Variants in MTMR3 observed in about 807,000 individuals in gnomAD.
MTMR3 encodes the protein myotubularin related protein 3.
Under a neutral mutation model 132.4 loss-of-function variants are expected in MTMR3, and 32 were observed. That is an observed-to-expected ratio of 0.24 (90% CI 0.18 to 0.32). The LOEUF (loss-of-function observed/expected upper bound fraction) is 0.32, where lower values mean the gene tolerates loss of function less well. Ranked by LOEUF, MTMR3 falls within the 10% of genes least tolerant of loss-of-function variation. The pLI is 1.00. For synonymous variants in MTMR3, 556 were observed against 550.3 expected (o/e 1.01, Z -0.14); for missense variants, 1,216 against 1,489.6 (o/e 0.82, Z 3.02).
chr22:29,925,750 C>T (rs1045879890), intron 1 of MTMR3, among the ~76,000 whole-genome samples: 6 of 151,834 alleles, frequency 4.0e-5, no homozygotes, highest in African/African-American at 1.5e-4. Context: ...CCCGTCTCTA[C>T]TAAAATCACA....
chr22:30,025,536 A>G, intron 19 of MTMR3, 94 bp from the exon 20 acceptor site: 3 of 1,370,134 alleles, frequency 2.2e-6, no homozygotes, highest in Non-Finnish European at 3.1e-6. Context: ...AGCACATGCA[A>G]ATTACACACG....
intron 1 of MTMR3, among the ~76,000 whole-genome samples, chr22:29,894,729 G>T (rs2145712095): frequency 6.6e-6 from 1 of 152,274 alleles, no homozygotes; most frequent in South Asian, 2.1e-4. Context: ...GCCATCTGGT[G>T]ATATTTTAGG....
intron 1 of MTMR3, among the ~76,000 whole-genome samples, chr22:29,892,487 C>A (rs2064819605): frequency 6.6e-6 from 1 of 152,132 alleles, no homozygotes; most frequent in Admixed American, 6.6e-5. Context: ...CACAATTAAC[C>A]TGTCACTAAC....
At chr22:30,009,710 AC>A (rs960397892) in intron 12 of MTMR3, 8 of 152,472 alleles carry the variant, frequency 5.2e-5, no homozygotes, top group Admixed American at 5.2e-4. Context: ...GTGAACTAAT[AC>A]CCCCTCCAAG....
At chr22:29,988,418 T>C (rs2066898690) in intron 5 of MTMR3, 62 bp from the exon 6 acceptor site, 3 of 1,251,222 alleles carry the variant, frequency 2.4e-6, no homozygotes, top group Non-Finnish European at 3.4e-6. Flanking sequence ...GTTGGACACA[T>C]TGAAGAACTC....
chr22:30,016,632 G>C lies in MTMR3; in HGVS notation c.1608G>C (p.Val536=). The change falls in exon 15 of 20, where the codon GTG becomes GTC. Residue 536 remains valine (V), a synonymous_variant. Coordinates refer to ENST00000401950, the MANE Select transcript of MTMR3 (RefSeq NM_021090.4). ...EKHTQERTCS[V]WSLLRAGNKA... is the part of the protein sequence containing the mutation. ...ATACTCAGGAACGGACATGTTCCGT[G>C]TGGTCACTTCTTCGGGCAGGCAACA... is the stretch of plus-strand genomic sequence containing the variant. 6.2e-7 allele frequency: 1 copy of C among 1,614,204 alleles called. No homozygotes were observed. The highest frequency in any genetic ancestry group is 8.5e-7 in the Non-Finnish European group (1 of 1,180,040).
intron 1 of MTMR3, among the ~76,000 whole-genome samples, chr22:29,948,986 T>C (rs771847929): frequency 8.1e-4 from 123 of 151,814 alleles, no homozygotes; most frequent in Non-Finnish European, 1.2e-3. Context: ...TAGTCCCAAC[T>C]ACTCAGGAGG....
chr22:29,891,333 G>A (rs1176420980), intron 1 of MTMR3, among the ~76,000 whole-genome samples: 2 of 150,220 alleles, frequency 1.3e-5, no homozygotes, highest in Non-Finnish European at 3.0e-5. Flanking sequence ...GTATGTGTGT[G>A]TGTGTATATA....
At chr22:29,970,591 G>A (rs1053613569) in intron 2 of MTMR3, among the ~76,000 whole-genome samples, 2 of 140,268 alleles carry the variant, frequency 1.4e-5, no homozygotes, top group Non-Finnish European at 3.0e-5. Context: ...ATCTGCCTCA[G>A]CCTTCGAAAG....
At chr22:30,008,125 C>A (rs929874768) in intron 11 of MTMR3, 93 bp downstream of exon 11, 832 of 1,489,040 alleles carry the variant, frequency 5.6e-4, no homozygotes, top group Admixed American at 3.9e-3. Flanking sequence ...AAATAAGTGG[C>A]AAGCCATATT....
In MTMR3 at chr22:30,007,884, T is replaced by C. The variant is rs766933430; in HGVS notation, c.878-17T>C. On this transcript the variant is annotated splice_polypyrimidine_tract_variant and intron_variant, in intron 10 of 19. Coordinates refer to ENST00000401950, the MANE Select transcript of MTMR3 (RefSeq NM_021090.4). ...AGACAGGCTCATTTAGTATGCCCTC[T>C]CCCTCTGTGTCCCTAGATTCTTCTC... 8 of 1,613,330 alleles carry C rather than the reference T, an allele frequency of 5.0e-6. No individual in the cohort carries two copies. The highest frequency in any genetic ancestry group is 5.9e-6 in the Non-Finnish European group (7 of 1,179,640).
At chr22:29,900,433 T>A (rs2064982819) in intron 1 of MTMR3, among the ~76,000 whole-genome samples, 1 of 152,186 alleles carries the variant, frequency 6.6e-6, no homozygotes, top group Admixed American at 6.6e-5. Flanking sequence ...TTTAGGCCAT[T>A]GAATTTAGGC....
chr22:29,957,203 A>G (rs1481384112), intron 2 of MTMR3, 115 bp downstream of exon 2: 8 of 149,856 alleles, frequency 5.3e-5, no homozygotes, highest in South Asian at 2.1e-4. Context: ...CTGTTTGTCA[A>G]TGTCCATGAT....
At chr22:30,005,987 CT>C (rs1168268753) in intron 9 of MTMR3, 1 of 152,196 alleles carries the variant, frequency 6.6e-6, no homozygotes, top group Non-Finnish European at 1.5e-5. Flanking sequence ...CTACTTCCAT[CT>C]TTATAGATTC....
At chr22:29,928,973 A>G (rs1166555457) in intron 1 of MTMR3, among the ~76,000 whole-genome samples, 1 of 152,154 alleles carries the variant, frequency 6.6e-6, no homozygotes. Flanking sequence ...ACCATTATCA[A>G]AAGTGTGTAC....
chr22:29,993,176 C>G (rs2066996691), intron 7 of MTMR3: 1 of 152,228 alleles, frequency 6.6e-6, no homozygotes, highest in Non-Finnish European at 1.5e-5. Context: ...AATCCTGTCA[C>G]CTACGAGAGA....
At chr22:29,953,530 A>G (rs1021153812) in intron 1 of MTMR3, among the ~76,000 whole-genome samples, 1 of 152,172 alleles carries the variant, frequency 6.6e-6, no homozygotes, top group Admixed American at 6.5e-5. Context: ...ATTATTTTAC[A>G]GAAAGGGACT....
intron 1 of MTMR3, among the ~76,000 whole-genome samples, chr22:29,939,392 T>C (rs574179437): frequency 4.6e-5 from 7 of 152,340 alleles, no homozygotes; most frequent in Admixed American, 1.3e-4. Flanking sequence ...TGAAATCTTG[T>C]AGAGATAGAC....
At chr22:30,004,211 G>A (rs1328363759) in intron 9 of MTMR3, 1 of 152,238 alleles carries the variant, frequency 6.6e-6, no homozygotes, top group Non-Finnish European at 1.5e-5. Flanking sequence ...CAAGTGGTAA[G>A]GATGCTACAG....
Sources: gnomAD v4.1 joint callset for allele counts (sites outside exome capture counted in the v4.1 genomes callset) on GRCh38, gnomAD v4.1.1 for gene constraint, MANE v1.5 for transcripts, NCBI Gene and HGNC (gene_info 2026-07-23, HGNC 2026-07-21) for gene names.